Variants in VRK2 observed in about 807,000 individuals in gnomAD.
VRK2 encodes serine/threonine-protein kinase VRK2.
VRK2 carries 60 observed loss-of-function variants against 57.6 expected under a neutral mutation model. The ratio of observed to expected loss-of-function variants is 1.04; its 90% CI spans 0.85 to 1.29. The LOEUF (loss-of-function observed/expected upper bound fraction) is 1.29. VRK2 is among the 50% of genes most tolerant of loss of function. The probability of loss-of-function intolerance (pLI) is 0.00; values close to 1 mark genes in which losing one functional copy is unlikely to be tolerated. For synonymous variants in VRK2, 231 were observed against 199.2 expected, an observed-to-expected ratio of 1.16 and a Z score of -1.35; for missense variants, 705 against 588.1, an observed-to-expected ratio of 1.20 and a Z score of -2.06.
At chr2:57,909,530 T>TA (rs1209379237) in intron 1 of VRK2, among the ~76,000 whole-genome samples, 35 of 152,028 alleles carry the variant, frequency 2.3e-4, no homozygotes, top group Admixed American at 2.3e-3. Flanking sequence ...TAGTACTGGA[T>TA]AAAACCACAG....
chr2:57,967,275 A>G (rs1409242836), intron 1 of VRK2, among the ~76,000 whole-genome samples: 1 of 152,092 alleles, frequency 6.6e-6, no homozygotes, highest in East Asian at 1.9e-4. Context: ...CCTAATGTAG[A>G]TGACGGGTTG....
At chr2:58,036,679 A>C (rs1674284190) in intron 3 of VRK2, among the ~76,000 whole-genome samples, 1 of 152,074 alleles carries the variant, frequency 6.6e-6, no homozygotes, top group South Asian at 2.1e-4. Context: ...TGGCTAAAGA[A>C]TAGACCATTC....
chr2:58,139,061 C>T (rs1336855596), intron 10 of VRK2, among the ~76,000 whole-genome samples: 3 of 152,112 alleles, frequency 2.0e-5, no homozygotes, highest in East Asian at 1.9e-4. Context: ...GCAACTCCTC[C>T]TCCCACTGCT....
intron 1 of VRK2, among the ~76,000 whole-genome samples, chr2:57,995,189 A>C (rs1244864252): frequency 1.3e-5 from 2 of 152,190 alleles, no homozygotes; most frequent in African/African-American, 4.8e-5. Context: ...TGAATGGGTC[A>C]ATGTTAAATT....
intron 1 of VRK2, among the ~76,000 whole-genome samples, chr2:57,997,682 C>A (rs531975804): frequency 1.3e-5 from 2 of 152,146 alleles, no homozygotes; most frequent in East Asian, 3.9e-4. Flanking sequence ...GTGGACAGAT[C>A]GCTTGAGCTC....
At chr2:57,919,992 G>A (rs1670287526) in intron 1 of VRK2, among the ~76,000 whole-genome samples, 1 of 152,000 alleles carries the variant, frequency 6.6e-6, no homozygotes, top group Non-Finnish European at 1.5e-5. Flanking sequence ...CATCTACTCA[G>A]TAGAAAACCT....
chr2:58,014,147 T>C (rs909440347), intron 1 of VRK2, among the ~76,000 whole-genome samples: 1 of 152,154 alleles, frequency 6.6e-6, no homozygotes, highest in Non-Finnish European at 1.5e-5. Context: ...TTAAAATTGA[T>C]ACATGTATTA....
chr2:58,097,720 T>C (rs986009878), intron 7 of VRK2, among the ~76,000 whole-genome samples: 2 of 152,176 alleles, frequency 1.3e-5, no homozygotes, highest in African/African-American at 4.8e-5. Context: ...ATTACTCATG[T>C]GTTTGCAGTA....
chr2:57,911,958 T>C (rs1317776514), intron 1 of VRK2, among the ~76,000 whole-genome samples: 1 of 152,188 alleles, frequency 6.6e-6, no homozygotes, highest in African/African-American at 2.4e-5. Context: ...GAAGAGTGCT[T>C]AGCACATAAT....
At chr2:58,039,934 G>C (rs949814203) in intron 3 of VRK2, among the ~76,000 whole-genome samples, 2 of 148,310 alleles carry the variant, frequency 1.3e-5, no homozygotes, top group Admixed American at 6.7e-5. Context: ...TTTTATTTTT[G>C]AGACAGAGTC....
At chr2:57,944,905 T>G (rs1236766845) in intron 1 of VRK2, among the ~76,000 whole-genome samples, 3 of 152,110 alleles carry the variant, frequency 2.0e-5, no homozygotes, top group African/African-American at 7.2e-5. Context: ...CCAGGTGCAG[T>G]GCAAAGTGTT....
intron 12 of VRK2, among the ~76,000 whole-genome samples, chr2:58,150,630 T>C (rs1291950740): frequency 6.6e-6 from 1 of 150,738 alleles, no homozygotes; most frequent in African/African-American, 2.4e-5. Flanking sequence ...ACCATTGATA[T>C]GTTTTCTGTT....
intron 1 of VRK2, among the ~76,000 whole-genome samples, chr2:57,988,691 G>C (rs78603490): frequency 6.6e-6 from 1 of 152,068 alleles, no homozygotes; most frequent in Non-Finnish European, 1.5e-5. Flanking sequence ...GACACAGACC[G>C]ATACCACCTC....
At chr2:58,058,326 AC>A in intron 2 of VRK2, 1 of 469,724 alleles carries the variant, frequency 2.1e-6, no homozygotes, top group South Asian at 1.6e-5. Context: ...GATGAAACAA[AC>A]TGTCTTTTGT....
chr2:58,068,944 T>C (rs1669009308), intron 2 of VRK2, among the ~76,000 whole-genome samples: 1 of 152,192 alleles, frequency 6.6e-6, no homozygotes, highest in Non-Finnish European at 1.5e-5. Context: ...TGTTTGTCTT[T>C]ATTTATTGAA....
At position 58,094,957 on chromosome 2, in the gene VRK2, T is replaced by G. The variant is rs569127618; in HGVS notation, c.543+5234T>G. Among the ~76,000 whole-genome samples the G allele has an allele frequency of 2.6e-5, 4 of 152,322 alleles. No individual in the cohort carries two copies. The East Asian group carries it at 7.7e-4, about 29-fold the overall frequency. ...TCTCCGTTTTCAGTGTTATCTTAGC[T>G]ATTTATACTGGATTTTCTGTATTAT... On this transcript the variant is annotated intron_variant, in intron 7 of 12. Coordinates refer to ENST00000340157, the MANE Select transcript of VRK2 (RefSeq NM_006296.7).
At chr2:58,093,780 G>A (rs1433456664) in intron 7 of VRK2, among the ~76,000 whole-genome samples, 4 of 152,224 alleles carry the variant, frequency 2.6e-5, no homozygotes, top group Admixed American at 1.3e-4. Flanking sequence ...TTTTCTTCTA[G>A]GGTTTTTATG....
chr2:58,137,175 T>C (rs1438584443), intron 10 of VRK2, among the ~76,000 whole-genome samples: 1 of 82,282 alleles, frequency 1.2e-5, no homozygotes, highest in African/African-American at 5.3e-5. Context: ...TCATATATCA[T>C]ATATATCATA....
At chr2:58,158,002 C>A (rs1228855719) in intron 12 of VRK2, among the ~76,000 whole-genome samples, 5 of 152,138 alleles carry the variant, frequency 3.3e-5, no homozygotes, top group Non-Finnish European at 5.9e-5. Flanking sequence ...TGGTTAAATT[C>A]TTTGATGAGT....
Sources: allele counts gnomAD v4.1 joint callset (sites outside exome capture counted in the v4.1 genomes callset), GRCh38; gene constraint gnomAD v4.1.1; transcripts MANE v1.5; gene names NCBI Gene and HGNC (gene_info 2026-07-23, HGNC 2026-07-21).